The following KLRF1 variants were observed in gnomAD, a reference collection of about 807,000 sequenced individuals.
The protein encoded by KLRF1 is killer cell lectin like receptor F1.
A neutral mutation model predicts 30.7 loss-of-function variants in KLRF1; 27 were observed. That is an observed-to-expected ratio of 0.88 (90% CI 0.65 to 1.21). KLRF1 has a LOEUF of 1.21. Ranked by LOEUF, KLRF1 falls within the 50% of genes most tolerant of loss-of-function variation. The probability of loss-of-function intolerance (pLI) is 0.00; values close to 1 mark genes in which losing one functional copy is unlikely to be tolerated. For synonymous variants in KLRF1, 92 were observed against 89.3 expected, an observed-to-expected ratio of 1.03 and a Z score of -0.17; for missense variants, 246 against 259.3, an observed-to-expected ratio of 0.95 and a Z score of 0.35.
chr12:9,824,688 G>C (rs1393248445), upstream of KLRF1, among the ~76,000 whole-genome samples: 1 of 152,158 alleles, frequency 6.6e-6, no homozygotes, highest in Non-Finnish European at 1.5e-5. Context: ...CCTGTTTTCA[G>C]ACCATATGAT....
At chr12:9,842,285 A>G in intron 4 of KLRF1, 36 bp from the exon 5 acceptor site, 1 of 1,605,220 alleles carries the variant, frequency 6.2e-7, no homozygotes, top group Non-Finnish European at 8.5e-7. Context: ...AATTGCTAAA[A>G]TATTTTGTTC....
chr12:9,804,831 G>T, the KLRF1 span, among the ~76,000 whole-genome samples: 4 of 151,880 alleles, frequency 2.6e-5, no homozygotes, highest in Admixed American at 6.6e-5. Flanking sequence ...TTTGTTGACT[G>T]TTTTCAGCAT....
the KLRF1 span, among the ~76,000 whole-genome samples, chr12:9,800,620 T>C: frequency 6.6e-6 from 1 of 152,016 alleles, no homozygotes; most frequent in South Asian, 2.1e-4. Flanking sequence ...ACATATGATA[T>C]TGATCATATT....
intron 3 of KLRF1, among the ~76,000 whole-genome samples, chr12:9,833,696 G>A (rs750280442): frequency 6.6e-6 from 1 of 152,166 alleles, no homozygotes; most frequent in African/African-American, 2.4e-5. Flanking sequence ...ATATAAATAT[G>A]GAAAGTTAGT....
intron 1 of KLRF1, among the ~76,000 whole-genome samples, chr12:9,830,222 G>A (rs1404231118): frequency 1.3e-5 from 2 of 151,870 alleles, no homozygotes; most frequent in African/African-American, 4.8e-5. Context: ...TTTTCACAGT[G>A]GTTACTGGAT....
In KLRF1 at chr12:9,842,381, T is replaced by C. The variant is rs1867722797; in HGVS notation, c.535T>C (p.Ser179Pro). ...NYVWIGLNFT[S>P]LKMTWTWVDG... ...CGTATGGATTGGGCTTAACTTTACC[T>C]CCTTGAAAATGACATGGACTTGGGT... The change falls in exon 5 of 6, where the codon TCC becomes CCC. Residue 179 changes from serine (S) to proline (P), a missense_variant. By Grantham distance (74) the Ser-to-Pro change is moderately conservative. Coordinates refer to ENST00000617889, the MANE Select transcript of KLRF1 (RefSeq NM_016523.3). 2 of 1,612,586 alleles carry C rather than the reference T, an allele frequency of 1.2e-6. No individual in the cohort carries two copies. Among genetic ancestry groups the C allele is most frequent in the Admixed American group, 1.7e-5 (1 of 59,926 alleles).
At chr12:9,821,814 G>A in the KLRF1 span, among the ~76,000 whole-genome samples, 1 of 152,332 alleles carries the variant, frequency 6.6e-6, no homozygotes, top group Admixed American at 6.5e-5. Flanking sequence ...ATATAAGGGA[G>A]CCACACAACT....
At chr12:9,828,595 G>GTCTGT (rs1867337560) in intron 1 of KLRF1, among the ~76,000 whole-genome samples, 1 of 152,134 alleles carries the variant, frequency 6.6e-6, no homozygotes, top group Non-Finnish European at 1.5e-5. Context: ...TATAGAGACT[G>GTCTGT]TCTGTTCTGT....
chr12:9,842,421 T>C lies in KLRF1; in HGVS notation c.575T>C (p.Ile192Thr), dbSNP rs765884447. Residue 192 changes from isoleucine (I) to threonine (T), a missense_variant, in exon 5 of 6, where the codon ATA becomes ACA. By Grantham distance (89) the Ile-to-Thr change is moderately conservative. Coordinates refer to ENST00000617889, the MANE Select transcript of KLRF1 (RefSeq NM_016523.3). ...MTWTWVDGSP[I>T]DSKIFFIKGP... The stretch of plus-strand genomic sequence containing the variant: ...TGGACTTGGGTGGATGGTTCTCCAA[T>C]AGATTCAAAGATGTGAGTCTTTCTT... 4 of 1,611,940 alleles carry C rather than the reference T, an allele frequency of 2.5e-6. No individual in the cohort carries two copies. Among genetic ancestry groups the C allele is most frequent in the Non-Finnish European group, 2.5e-6 (3 of 1,178,754 alleles).
the KLRF1 span, among the ~76,000 whole-genome samples, chr12:9,819,281 T>C: frequency 6.6e-6 from 1 of 152,164 alleles, no homozygotes; most frequent in Non-Finnish European, 1.5e-5. Context: ...AGGGGCTGAA[T>C]CCAAGGGGCT....
chr12:9,806,946 T>C, the KLRF1 span, among the ~76,000 whole-genome samples: 1 of 152,150 alleles, frequency 6.6e-6, no homozygotes, highest in Non-Finnish European at 1.5e-5. Context: ...CTTCTCAAAG[T>C]GCTCAGATTA....
chr12:9,817,143 G>A, the KLRF1 span, among the ~76,000 whole-genome samples: 16 of 152,126 alleles, frequency 1.1e-4, no homozygotes, highest in South Asian at 2.1e-4. Flanking sequence ...GGCACAGAAT[G>A]GTTAGCAATA....
chr12:9,834,984 G>T (rs1039050933), intron 3 of KLRF1, among the ~76,000 whole-genome samples: 1 of 152,224 alleles, frequency 6.6e-6, no homozygotes, highest in African/African-American at 2.4e-5. Flanking sequence ...TAGCAGAGAA[G>T]ACACTAGAGA....
At chr12:9,820,119 C>A in the KLRF1 span, among the ~76,000 whole-genome samples, 1 of 152,164 alleles carries the variant, frequency 6.6e-6, no homozygotes, top group Non-Finnish European at 1.5e-5. Flanking sequence ...TGTGACCACC[C>A]AACTGGGATC....
intron 3 of KLRF1, among the ~76,000 whole-genome samples, chr12:9,836,666 C>T (rs746990711): frequency 1.8e-4 from 27 of 151,890 alleles, no homozygotes; most frequent in Non-Finnish European, 2.8e-4. Flanking sequence ...CTTTATCATA[C>T]GTGAAAATTT....
the KLRF1 span, among the ~76,000 whole-genome samples, chr12:9,820,565 C>T: frequency 6.6e-6 from 1 of 152,100 alleles, no homozygotes; most frequent in Non-Finnish European, 1.5e-5. Flanking sequence ...CTGATCTGGC[C>T]CTCAGCACAG....
intron 1 of KLRF1, among the ~76,000 whole-genome samples, chr12:9,830,326 T>C (rs1867385645): frequency 6.6e-6 from 1 of 152,136 alleles, no homozygotes. Flanking sequence ...TTGATTCTTT[T>C]ATTTTACCAA....
chr12:9,808,850 T>C, the KLRF1 span, among the ~76,000 whole-genome samples: 1 of 152,186 alleles, frequency 6.6e-6, no homozygotes, highest in African/African-American at 2.4e-5. Context: ...ATCATGTATA[T>C]GATTTTCACT....
Position 9,833,463 on chromosome 12 carries a change from A to G in KLRF1, c.334+11A>G, listed in dbSNP as rs776571973. On this transcript the variant is annotated intron_variant, in intron 3 of 5. Coordinates refer to ENST00000617889, the MANE Select transcript of KLRF1 (RefSeq NM_016523.3). ...CTGCAGACCAGACAGGTATGTCTCA[A>G]GGCTTTGGCTTATCCTAGTTTTAAT... 1.9e-6 allele frequency: 3 copies of G among 1,584,364 alleles called. No individual in the cohort carries two copies. The highest frequency in any genetic ancestry group is 2.6e-6 in the Non-Finnish European group (3 of 1,168,962).
Sources: allele counts gnomAD v4.1 joint callset (sites outside exome capture counted in the v4.1 genomes callset), GRCh38; gene constraint gnomAD v4.1.1; transcripts MANE v1.5; gene names NCBI Gene and HGNC (gene_info 2026-07-23, HGNC 2026-07-21).